Variants in SLC9A9 observed in about 807,000 individuals in gnomAD.
SLC9A9 encodes sodium/hydrogen exchanger 9.
A neutral mutation model predicts 77.8 loss-of-function variants in SLC9A9; 62 were observed. That is an observed-to-expected ratio of 0.80 (90% confidence interval 0.65 to 0.98). SLC9A9 has a LOEUF of 0.98. Among genes scored for constraint, SLC9A9 ranks in the 50% least tolerant of loss-of-function variants. The pLI is 0.00. For missense variants in SLC9A9, 775 were observed against 774.9 expected, an observed-to-expected ratio of 1.00 and a Z score of 0.00; for synonymous variants, 320 against 283.5, an observed-to-expected ratio of 1.13 and a Z score of -1.29.
rs554538914 is a variant in SLC9A9 at position 143,302,854 on chromosome 3, A to G, written c.1605-33874T>C. Among the ~76,000 whole-genome samples the G allele has an allele frequency of 5.3e-5, 8 of 152,298 alleles. No individual in the cohort carries two copies. In the South Asian group the frequency reaches 1.7e-3, roughly 32 times the overall value. ...GAATCATCACGTTTTCTGGAATTCG[A>G]TGTTTTCAAATTGCATAATCCTCCT... On this transcript the variant is annotated intron_variant, in intron 14 of 15. Transcript: ENST00000316549.
chr3:143,523,304 A>G (rs1171504017), intron 9 of SLC9A9, among the ~76,000 whole-genome samples: 4 of 152,204 alleles, frequency 2.6e-5, no homozygotes, highest in African/African-American at 4.8e-5. Context: ...ATCAACTTGT[A>G]CATTGAAATG....
chr3:143,732,535 G>C (rs1465265587), intron 4 of SLC9A9, among the ~76,000 whole-genome samples: 1 of 152,176 alleles, frequency 6.6e-6, no homozygotes, highest in Non-Finnish European at 1.5e-5. Context: ...AGTTGCGCGT[G>C]TGACTGTCTC....
chr3:143,343,839 C>T (rs2032182965), intron 14 of SLC9A9, among the ~76,000 whole-genome samples: 1 of 152,130 alleles, frequency 6.6e-6, no homozygotes, highest in African/African-American at 2.4e-5. Context: ...GAGCTGACTA[C>T]CTCAGCAATA....
intron 1 of SLC9A9, among the ~76,000 whole-genome samples, chr3:143,834,284 G>T (rs1043895256): frequency 1.3e-5 from 2 of 152,124 alleles, no homozygotes; most frequent in African/African-American, 4.8e-5. Flanking sequence ...AACCTTCCAT[G>T]CTCAGTGTTG....
chr3:143,821,418 C>T (rs555529710), intron 2 of SLC9A9, among the ~76,000 whole-genome samples: 11 of 152,278 alleles, frequency 7.2e-5, no homozygotes, highest in Non-Finnish European at 1.5e-4. Context: ...AGATGAGATT[C>T]AATTAGATCT....
At chr3:143,615,750 A>G (rs1038670312) in intron 6 of SLC9A9, among the ~76,000 whole-genome samples, 18 of 152,192 alleles carry the variant, frequency 1.2e-4, no homozygotes, top group Non-Finnish European at 1.9e-4. Context: ...TGCAGGAGGT[A>G]TATATGATTA....
chr3:143,636,742 G>A (rs1047754125), intron 6 of SLC9A9, among the ~76,000 whole-genome samples: 8 of 152,196 alleles, frequency 5.3e-5, no homozygotes, highest in African/African-American at 1.9e-4. Context: ...ACTGGGGAAT[G>A]AGATAATCTC....
At chr3:143,287,403 AAAC>A (rs1559853084) in intron 14 of SLC9A9, among the ~76,000 whole-genome samples, 3 of 152,170 alleles carry the variant, frequency 2.0e-5, no homozygotes, top group African/African-American at 2.4e-5. Context: ...AGGGAAAAAA[AAAC>A]AACAACCAAA....
chr3:143,555,265 T>C (rs1001369363), intron 8 of SLC9A9, among the ~76,000 whole-genome samples: 10 of 152,206 alleles, frequency 6.6e-5, no homozygotes, highest in Non-Finnish European at 1.0e-4. Context: ...CCTTCCACCA[T>C]GATTGTGAGG....
chr3:143,485,573 C>A (rs572234201), intron 11 of SLC9A9, among the ~76,000 whole-genome samples: 2 of 152,114 alleles, frequency 1.3e-5, no homozygotes, highest in South Asian at 4.2e-4. Context: ...TCTACAACAA[C>A]AAAATTAACA....
chr3:143,690,688 A>T (rs191766990), intron 5 of SLC9A9, among the ~76,000 whole-genome samples: 6 of 152,238 alleles, frequency 3.9e-5, no homozygotes, highest in African/African-American at 1.2e-4. Context: ...GTAAAAATCC[A>T]TGTGTTCATA....
chr3:143,346,608 T>C (rs1042258332), intron 14 of SLC9A9, among the ~76,000 whole-genome samples: 1 of 151,978 alleles, frequency 6.6e-6, no homozygotes. Flanking sequence ...GCCAACATGG[T>C]GAAACCCCAT....
intron 9 of SLC9A9, among the ~76,000 whole-genome samples, chr3:143,551,516 T>A (rs746484527): frequency 1.3e-5 from 2 of 152,312 alleles, no homozygotes; most frequent in Admixed American, 6.5e-5. Flanking sequence ...TCAAATGCCC[T>A]TGTGGCTACC....
intron 14 of SLC9A9, among the ~76,000 whole-genome samples, chr3:143,280,131 CTTTCT>C (rs933929246): frequency 1.2e-4 from 18 of 152,282 alleles, no homozygotes; most frequent in African/African-American, 4.3e-4. Flanking sequence ...TAGAACTCCC[CTTTCT>C]TATGTTTGTT....
chr3:143,801,236 C>T lies in SLC9A9; in HGVS notation c.379-4333G>A, dbSNP rs369587988. ...GCAGTTGGAATTCTTACACAAGTAC[C>T]GGGACCGCGCCCTGTAGACCTTTTG... On this transcript the variant is annotated intron_variant, in intron 2 of 15. Transcript: ENST00000316549. 1.6e-4 allele frequency among the ~76,000 whole-genome samples: 24 copies of T among 152,194 alleles called. No homozygotes were observed. The South Asian group carries it at 2.1e-3, about 13-fold the overall frequency.
At chr3:143,289,039 G>C (rs1018239746) in intron 14 of SLC9A9, among the ~76,000 whole-genome samples, 3 of 152,180 alleles carry the variant, frequency 2.0e-5, no homozygotes, top group Non-Finnish European at 4.4e-5. Context: ...GAATGACTGA[G>C]AGCATCCACT....
At chr3:143,604,400 G>A (rs1576604798) in intron 6 of SLC9A9, among the ~76,000 whole-genome samples, 1 of 152,244 alleles carries the variant, frequency 6.6e-6, no homozygotes, top group Non-Finnish European at 1.5e-5. Context: ...GAAGAGCTAT[G>A]TGGAGAACCA....
At chr3:143,357,548 A>G (rs2032627531) in intron 14 of SLC9A9, among the ~76,000 whole-genome samples, 1 of 152,130 alleles carries the variant, frequency 6.6e-6, no homozygotes, top group Non-Finnish European at 1.5e-5. Context: ...TAAAACAACC[A>G]ATTATACACT....
intron 5 of SLC9A9, 82 bp downstream of exon 5, chr3:143,693,110 C>T (rs566035229): frequency 7.3e-4 from 730 of 997,486 alleles, no homozygotes; most frequent in Middle Eastern, 1.1e-3. Flanking sequence ...ATTATGTAGA[C>T]GCAGGTGATG....
Sources: allele counts gnomAD v4.1 joint callset (sites outside exome capture counted in the v4.1 genomes callset), GRCh38; gene constraint gnomAD v4.1.1; transcripts MANE v1.5; gene names NCBI Gene and HGNC (gene_info 2026-07-23, HGNC 2026-07-21).